SPIDR: variants seen among roughly 807,000 people sequenced by gnomAD.
SPIDR encodes scaffold protein involved in DNA repair.
In SPIDR, 93 loss-of-function variants were observed where a neutral mutation model predicts 104.6. The observed-to-expected ratio is 0.89, with a 90% confidence interval of 0.75 to 1.06. The LOEUF is 1.06. Among genes scored for constraint, SPIDR ranks in the 50% least tolerant of loss-of-function variants. The pLI is 0.00. For synonymous variants in SPIDR, 431 were observed against 416.9 expected (o/e 1.03, Z -0.41); for missense variants, 1,154 against 1,111.2 (o/e 1.04, Z -0.55).
intron 8 of SPIDR, among the ~76,000 whole-genome samples, chr8:47,543,224 T>G (rs946760062): frequency 6.6e-6 from 1 of 152,232 alleles, no homozygotes; most frequent in African/African-American, 2.4e-5. Context: ...GTTGCATGTT[T>G]AGTTGTTTAA....
At chr8:47,505,170 G>T (rs2087494) in intron 8 of SPIDR, among the ~76,000 whole-genome samples, 2,965 of 152,230 alleles carry the variant, frequency 0.019, 96 homozygotes, top group African/African-American at 0.067. Context: ...GTCAGACAGG[G>T]ACATTTCAGT....
At chr8:47,438,873 GA>G (rs1362287096) in intron 7 of SPIDR, among the ~76,000 whole-genome samples, 3 of 151,182 alleles carry the variant, frequency 2.0e-5, no homozygotes, top group African/African-American at 7.3e-5. Flanking sequence ...GGAAATGAAT[GA>G]AAAAAAAGTG....
At chr8:47,711,853 T>G (rs960461390) in intron 14 of SPIDR, among the ~76,000 whole-genome samples, 10 of 152,210 alleles carry the variant, frequency 6.6e-5, no homozygotes, top group African/African-American at 2.4e-4. Flanking sequence ...ATAATCAACC[T>G]CCTGACAATG....
At chr8:47,597,206 A>G (rs1453450377) in intron 9 of SPIDR, among the ~76,000 whole-genome samples, 3 of 152,212 alleles carry the variant, frequency 2.0e-5, no homozygotes, top group African/African-American at 4.8e-5. Context: ...CTTTTATGCA[A>G]CTGGCAACAC....
intron 11 of SPIDR, among the ~76,000 whole-genome samples, chr8:47,697,345 T>C (rs2079482623): frequency 6.6e-6 from 1 of 152,082 alleles, no homozygotes; most frequent in South Asian, 2.1e-4. Context: ...ATGGTAAATA[T>C]AATTTTCATT....
At chr8:47,361,720 T>C (rs1400509727) in intron 5 of SPIDR, among the ~76,000 whole-genome samples, 1 of 152,170 alleles carries the variant, frequency 6.6e-6, no homozygotes, top group African/African-American at 2.4e-5. Flanking sequence ...AGGGCCATGC[T>C]GAGCAGCAGG....
chr8:47,462,223 G>A lies in SPIDR; in HGVS notation c.1097+21681G>A, dbSNP rs117470331. On this transcript the variant is annotated intron_variant, in intron 8 of 19. Coordinates refer to ENST00000297423, the MANE Select transcript of SPIDR (RefSeq NM_001080394.4). ...CATTCAGCAGGGCTGCCAAGCCCTC[G>A]ACTAGTACCGAGGGTTGTCTGCACA... Among the ~76,000 whole-genome samples the A allele has an allele frequency of 1.5e-3, 227 of 152,240 alleles. 6 individuals are homozygous for A. In the East Asian group the frequency reaches 0.039, roughly 26 times the overall value.
At chr8:47,691,426 C>T (rs2078641155) in intron 11 of SPIDR, among the ~76,000 whole-genome samples, 1 of 152,154 alleles carries the variant, frequency 6.6e-6, no homozygotes, top group Non-Finnish European at 1.5e-5. Flanking sequence ...GGAGATCAAT[C>T]TCTGGAGTCA....
intron 8 of SPIDR, among the ~76,000 whole-genome samples, chr8:47,561,261 A>G (rs1366895662): frequency 1.3e-5 from 2 of 152,172 alleles, no homozygotes; most frequent in African/African-American, 4.8e-5. Context: ...GCAGGTAGAA[A>G]AGTATTTCTC....
In SPIDR at chr8:47,598,972, A is replaced by G. The variant is rs754738065; in HGVS notation, c.1320A>G (p.Thr440=). 1.7e-5 allele frequency: 28 copies of G among 1,613,922 alleles called. No individual in the cohort carries two copies. The highest frequency in any genetic ancestry group is 2.4e-5 in the Non-Finnish European group (28 of 1,179,896). ...IQVVCSGVAT[T]GTAWTHGHKE... is the part of the protein sequence containing the mutation. ...TTGTGTGTAGTGGTGTAGCCACTAC[A>G]GGGACAGCCTGGACCCATGGGCACA... Residue 440 remains threonine (T), a synonymous_variant, in exon 10 of 20, where the codon ACA becomes ACG. Coordinates refer to ENST00000297423, the MANE Select transcript of SPIDR (RefSeq NM_001080394.4).
At chr8:47,597,763 A>G (rs1369884705) in intron 9 of SPIDR, among the ~76,000 whole-genome samples, 1 of 152,184 alleles carries the variant, frequency 6.6e-6, no homozygotes, top group Non-Finnish European at 1.5e-5. Flanking sequence ...ATCCTAAGCC[A>G]TGATCATGTG....
intron 5 of SPIDR, among the ~76,000 whole-genome samples, chr8:47,338,810 C>CA (rs1230729492): frequency 2.0e-5 from 3 of 152,160 alleles, no homozygotes; most frequent in Admixed American, 2.0e-4. Flanking sequence ...TTGCCCAGGG[C>CA]TTCCACGTAT....
chr8:47,463,769 A>G (rs10448032), intron 8 of SPIDR, among the ~76,000 whole-genome samples: 2,169 of 152,288 alleles, frequency 0.014, 20 homozygotes, highest in Middle Eastern at 0.027. Context: ...AAACCATACA[A>G]TTGTTTTAAT....
At chr8:47,328,763 A>G (rs1399487367) in intron 5 of SPIDR, among the ~76,000 whole-genome samples, 2 of 151,902 alleles carry the variant, frequency 1.3e-5, no homozygotes, top group Non-Finnish European at 2.9e-5. Flanking sequence ...GTTATTGTTG[A>G]TATAGTTGCA....
intron 8 of SPIDR, among the ~76,000 whole-genome samples, chr8:47,505,253 G>A (rs1564170697): frequency 6.6e-6 from 1 of 152,142 alleles, no homozygotes; most frequent in Non-Finnish European, 1.5e-5. Flanking sequence ...AGGCAGGCAG[G>A]CAGGCCTCCT....
At chr8:47,716,448 C>T (rs1292151030) in intron 16 of SPIDR, among the ~76,000 whole-genome samples, 1 of 152,122 alleles carries the variant, frequency 6.6e-6, no homozygotes, top group Non-Finnish European at 1.5e-5. Flanking sequence ...CTGTGCATCT[C>T]CTTTTGGGGT....
At chr8:47,454,497 G>A (rs2072568198) in intron 8 of SPIDR, among the ~76,000 whole-genome samples, 1 of 151,934 alleles carries the variant, frequency 6.6e-6, no homozygotes, top group South Asian at 2.1e-4. Flanking sequence ...GGGTGGGGAA[G>A]CGGGGAAGGG....
At chr8:47,310,825 T>G (rs1336625165) in intron 5 of SPIDR, among the ~76,000 whole-genome samples, 4 of 152,182 alleles carry the variant, frequency 2.6e-5, no homozygotes, top group African/African-American at 9.7e-5. Context: ...ATAGCCAACT[T>G]ACCTACCTAT....
intron 10 of SPIDR, among the ~76,000 whole-genome samples, chr8:47,630,981 A>C (rs2066974330): frequency 6.6e-6 from 1 of 152,166 alleles, no homozygotes; most frequent in Non-Finnish European, 1.5e-5. Flanking sequence ...GACTGTGAGA[A>C]CAAGAACTCA....
Sources: gnomAD v4.1 joint callset for allele counts (sites outside exome capture counted in the v4.1 genomes callset) on GRCh38, gnomAD v4.1.1 for gene constraint, MANE v1.5 for transcripts, NCBI Gene and HGNC (gene_info 2026-07-23, HGNC 2026-07-21) for gene names.